ANAPC4: variants seen among roughly 807,000 people sequenced by gnomAD.
The protein encoded by ANAPC4 is anaphase-promoting complex subunit 4.
ANAPC4 carries 63 observed loss-of-function variants against 119.8 expected under a neutral mutation model. The ratio of observed to expected loss-of-function variants is 0.53; its 90% CI spans 0.43 to 0.65. The LOEUF (loss-of-function observed/expected upper bound fraction) is 0.65. Ranked by LOEUF, ANAPC4 falls within the 30% of genes least tolerant of loss-of-function variation. The pLI is 0.00. For synonymous variants in ANAPC4, 283 were observed against 318.6 expected (o/e 0.89, Z 1.19); for missense variants, 716 against 945.1 (o/e 0.76, Z 3.18).
chr4:25,408,319 A>C (rs1723373766), intron 20 of ANAPC4, among the ~76,000 whole-genome samples: 2 of 152,172 alleles, frequency 1.3e-5, no homozygotes, highest in Admixed American at 6.5e-5. Flanking sequence ...ATCTTCTTGC[A>C]CTTTGAACGG....
At chr4:25,388,153 A>G (rs566676000) in intron 4 of ANAPC4, among the ~76,000 whole-genome samples, 2 of 152,280 alleles carry the variant, frequency 1.3e-5, no homozygotes, top group Middle Eastern at 6.8e-3. Flanking sequence ...CTTAGTAGTC[A>G]TATGTTTGGT....
chr4:25,409,094 G>A (rs1723428374), intron 20 of ANAPC4, among the ~76,000 whole-genome samples: 1 of 152,066 alleles, frequency 6.6e-6, no homozygotes, highest in Non-Finnish European at 1.5e-5. Context: ...TAGTGTAAAG[G>A]GCAGGTGACA....
chr4:25,410,024 A>T (rs1723476369), intron 21 of ANAPC4, among the ~76,000 whole-genome samples: 1 of 152,212 alleles, frequency 6.6e-6, no homozygotes, highest in Admixed American at 6.5e-5. Flanking sequence ...CTTATTCCTA[A>T]GTGTTCTCAT....
At chr4:25,400,448 CAA>C (rs1226977210) in intron 16 of ANAPC4, among the ~76,000 whole-genome samples, 1 of 152,086 alleles carries the variant, frequency 6.6e-6, no homozygotes, top group Non-Finnish European at 1.5e-5. Context: ...ATTATCCTAA[CAA>C]GACATCTGTC....
intron 16 of ANAPC4, 50 bp downstream of exon 16, chr4:25,396,949 T>G: frequency 6.6e-7 from 1 of 1,526,314 alleles, no homozygotes; most frequent in South Asian, 1.2e-5. Flanking sequence ...ATGTCACTTT[T>G]GACCTAAATA....
At chr4:25,415,368 T>C in intron 25 of ANAPC4, 98 bp from the exon 26 acceptor site, 1 of 891,430 alleles carries the variant, frequency 1.1e-6, no homozygotes. Context: ...AAGAAGTACA[T>C]GTACTGACCC....
At position 25,392,934 on chromosome 4, in the gene ANAPC4, G is replaced by T. The variant is rs149815636; in HGVS notation, c.789+513G>T. Reference sequence around the variant, plus strand: ...GAGCCAGCACAGGCTTGTCCACATGGTGGTGGTAACGGGGCATCGAGGGTG... The same window carrying T: ...GAGCCAGCACAGGCTTGTCCACATGTTGGTGGTAACGGGGCATCGAGGGTG... On this transcript the variant is annotated intron_variant, in intron 10 of 28. Coordinates refer to ENST00000315368, the MANE Select transcript of ANAPC4 (RefSeq NM_013367.3). Among the ~76,000 whole-genome samples, 137 of 152,248 alleles carry T rather than the reference G, an allele frequency of 9.0e-4. No individual in the cohort carries two copies. The Middle Eastern group carries it at 0.027, about 30-fold the overall frequency.
chr4:25,383,231 A>C (rs1411487738), intron 3 of ANAPC4, 30 bp from the exon 4 acceptor site: 1 of 1,574,514 alleles, frequency 6.4e-7, no homozygotes, highest in African/African-American at 1.4e-5. Flanking sequence ...TGTTACACTA[A>C]TTTATTCTGA....
chr4:25,403,601 G>A (rs891758239), intron 17 of ANAPC4, among the ~76,000 whole-genome samples: 5 of 152,196 alleles, frequency 3.3e-5, no homozygotes, highest in South Asian at 4.2e-4. Context: ...TGATTATTTC[G>A]TCTTCTGTCT....
At chr4:25,414,788 T>A (rs1413536019) in intron 25 of ANAPC4, 88 bp downstream of exon 25, 1 of 1,217,666 alleles carries the variant, frequency 8.2e-7, no homozygotes. Context: ...ATTTCAGATT[T>A]TAAACTACTT....
chr4:25,411,707 C>T (rs1486667510), intron 21 of ANAPC4, among the ~76,000 whole-genome samples: 4 of 152,180 alleles, frequency 2.6e-5, no homozygotes, highest in Non-Finnish European at 5.9e-5. Flanking sequence ...CCTCAAAAAA[C>T]TGGTGTGGAG....
chr4:25,380,488 A>G lies in ANAPC4; in HGVS notation c.235+9A>G. ...GAGACCAGATGGCAAACGTAATGAT[A>G]ATATTACAAAAAAAATATGTTTTTA... is the stretch of plus-strand genomic sequence containing the variant. On this transcript the variant is annotated intron_variant, in intron 3 of 28. Coordinates refer to ENST00000315368, the MANE Select transcript of ANAPC4 (RefSeq NM_013367.3). 1.9e-6 allele frequency: 3 copies of G among 1,573,636 alleles called. No homozygotes were observed. Among genetic ancestry groups the G allele is most frequent in the Non-Finnish European group, 2.6e-6 (3 of 1,151,698 alleles).
At chr4:25,382,491 CAA>C (rs1420373821) in intron 3 of ANAPC4, among the ~76,000 whole-genome samples, 2 of 152,146 alleles carry the variant, frequency 1.3e-5, no homozygotes, top group African/African-American at 4.8e-5. Flanking sequence ...CATGGAATCT[CAA>C]AGATAAATCA....
chr4:25,411,777 A>G (rs1226922332), intron 21 of ANAPC4, among the ~76,000 whole-genome samples: 1 of 152,222 alleles, frequency 6.6e-6, no homozygotes, highest in Non-Finnish European at 1.5e-5. Context: ...GCACAGAAGC[A>G]GTCTGTAGGT....
At chr4:25,403,611 T>C (rs937724903) in intron 17 of ANAPC4, among the ~76,000 whole-genome samples, 2 of 152,202 alleles carry the variant, frequency 1.3e-5, no homozygotes, top group South Asian at 2.1e-4. Flanking sequence ...GTCTTCTGTC[T>C]TTAGATCTCT....
intron 13 of ANAPC4, 39 bp from the exon 14 acceptor site, chr4:25,394,790 C>T: frequency 1.9e-6 from 3 of 1,595,264 alleles, no homozygotes; most frequent in Non-Finnish European, 2.6e-6. Context: ...CATATAATAT[C>T]CTGATTGTAT....
chr4:25,416,442 AT>A lies in ANAPC4; in HGVS notation c.1920del (p.Asp640GlufsTer10). ...AATTCTAGCATCTACAGTTGTTTAG[AT>A]GCACAGTTTTATGATGATGAAACTG... The part of the protein sequence containing the change: ...KVRRSIYSCL[D>X]AQFYDDETVT... On this transcript the variant is annotated frameshift_variant, in exon 27 of 29. Transcript: ENST00000315368. LOFTEE classifies it high-confidence loss of function. 6.5e-7 allele frequency: 1 copy of A among 1,548,202 alleles called. No individual in the cohort carries two copies. Among genetic ancestry groups the A allele is most frequent in the Non-Finnish European group, 8.8e-7 (1 of 1,139,402 alleles).
At chr4:25,415,383 A>G (rs974509349) in intron 25 of ANAPC4, 83 bp from the exon 26 acceptor site, 4 of 1,060,706 alleles carry the variant, frequency 3.8e-6, no homozygotes, top group African/African-American at 1.6e-5. Context: ...TGACCCTGAC[A>G]ATCATGTTCT....
chr4:25,392,886 C>T (rs1464486804), intron 10 of ANAPC4, among the ~76,000 whole-genome samples: 1 of 152,174 alleles, frequency 6.6e-6, no homozygotes, highest in Non-Finnish European at 1.5e-5. Flanking sequence ...CTTGTCTCTA[C>T]TCCACATCCT....
Sources: allele counts gnomAD v4.1 joint callset (sites outside exome capture counted in the v4.1 genomes callset), GRCh38; gene constraint gnomAD v4.1.1; transcripts MANE v1.5; gene names NCBI Gene and HGNC (gene_info 2026-07-23, HGNC 2026-07-21).